SLC38A11: variants seen among roughly 807,000 people sequenced by gnomAD.
SLC38A11 encodes the protein putative sodium-coupled neutral amino acid transporter 11.
Under a neutral mutation model 49.4 loss-of-function variants are expected in SLC38A11, and 51 were observed. That is an observed-to-expected ratio of 1.03 (90% confidence interval 0.83 to 1.30). SLC38A11 has a LOEUF of 1.30. SLC38A11 is among the 50% of genes most tolerant of loss of function. SLC38A11 has a pLI of 0.00. For missense variants in SLC38A11, 574 were observed against 556.2 expected (o/e 1.03, Z -0.32); for synonymous variants, 203 against 192.9 (o/e 1.05, Z -0.43).
At chr2:164,925,457 C>T (rs1686504949) in intron 7 of SLC38A11, among the ~76,000 whole-genome samples, 1 of 151,978 alleles carries the variant, frequency 6.6e-6, no homozygotes, top group African/African-American at 2.4e-5. Flanking sequence ...TTGGATTGTG[C>T]TTCTCTTCAC....
chr2:164,899,461 T>A lies in SLC38A11; in HGVS notation c.1096-731A>T, dbSNP rs1378476309. The stretch of plus-strand genomic sequence containing the variant: ...TCTATTATAAAAATACCAACAGCTA[T>A]TGATGTCAAAGGAAGAGACTTTCCC... On this transcript the variant is annotated intron_variant, in intron 11 of 11. Transcript: ENST00000685975. 2.0e-5 allele frequency among the ~76,000 whole-genome samples: 3 copies of A among 152,112 alleles called. No individual in the cohort carries two copies. In the East Asian group the frequency reaches 5.8e-4, roughly 29 times the overall value.
intron 7 of SLC38A11, among the ~76,000 whole-genome samples, chr2:164,932,288 AG>A (rs990683257): frequency 8.5e-5 from 13 of 152,182 alleles, no homozygotes; most frequent in Non-Finnish European, 1.6e-4. Context: ...GCAGAGAAAA[AG>A]TAACACTTAT....
intron 1 of SLC38A11, 24 bp downstream of exon 1, chr2:164,955,185 A>C: frequency 6.5e-7 from 1 of 1,547,496 alleles, no homozygotes; most frequent in Non-Finnish European, 8.7e-7. Flanking sequence ...CTGGCTTCAG[A>C]ACCTGCCTAG....
At chr2:164,932,882 T>C (rs941471461) in intron 7 of SLC38A11, among the ~76,000 whole-genome samples, 3 of 152,100 alleles carry the variant, frequency 2.0e-5, no homozygotes, top group Admixed American at 6.6e-5. Flanking sequence ...CCCCTGAACT[T>C]AAAAATTCAG....
Position 164,895,980 on chromosome 2 carries a change from G to A in SLC38A11, c.*2457C>T, listed in dbSNP as rs1047236743. Among the ~76,000 whole-genome samples, 2 of 152,150 alleles carry A rather than the reference G, an allele frequency of 1.3e-5. No homozygotes were observed. Among genetic ancestry groups the A allele is most frequent in the Admixed American group, 6.6e-5 (1 of 15,258 alleles). ...CACCACCTTTTTAAAGTTAAGAAGT[G>A]CTTTATACATTTAAGTGTATTGACA... On this transcript the variant is annotated 3_prime_UTR_variant, in exon 12 of 12. Coordinates refer to ENST00000685975, the MANE Select transcript of SLC38A11 (RefSeq NM_001351537.2).
chr2:164,899,661 G>A lies in SLC38A11; in HGVS notation c.1096-931C>T, dbSNP rs190909062. ...TATTCTCTTAAACCATAAAACATAC[G>A]TTTTTAAAAAATAAATTTTATTGTG... On this transcript the variant is annotated intron_variant, in intron 11 of 11. Transcript: ENST00000685975. 6.7e-3 allele frequency among the ~76,000 whole-genome samples: 1,014 copies of A among 151,864 alleles called. 4 individuals carry two copies. The highest frequency in any genetic ancestry group is 0.01 in the Non-Finnish European group (699 of 67,884).
intron 7 of SLC38A11, among the ~76,000 whole-genome samples, chr2:164,918,722 G>T (rs1032109215): frequency 4.0e-4 from 61 of 152,130 alleles, no homozygotes; most frequent in African/African-American, 1.5e-3. Flanking sequence ...TTATGCATAT[G>T]GAAAATAAGA....
intron 11 of SLC38A11, among the ~76,000 whole-genome samples, chr2:164,905,356 T>C (rs1684927102): frequency 6.6e-6 from 1 of 152,128 alleles, no homozygotes; most frequent in Non-Finnish European, 1.5e-5. Context: ...GGTCTTGAAC[T>C]CCTGACCTCA....
rs1684379703 is a variant in SLC38A11, at chr2:164,896,538, A to G, written c.*1899T>C. On this transcript the variant is annotated 3_prime_UTR_variant, in exon 12 of 12. Coordinates refer to ENST00000685975, the MANE Select transcript of SLC38A11 (RefSeq NM_001351537.2). ...AATGTAATGACAGACTGTGGCAAAAATTTCTTACATTTCCTCATTTCTTAC... is the reference window on the plus strand; with the variant it reads ...AATGTAATGACAGACTGTGGCAAAAGTTTCTTACATTTCCTCATTTCTTAC... The G allele has an allele frequency of 6.6e-6, 1 of 152,126 alleles. No individual in the cohort carries two copies. Among genetic ancestry groups the G allele is most frequent in the Non-Finnish European group, 1.5e-5 (1 of 68,016 alleles). 9.4% of individuals were successfully genotyped at this position (152,126 alleles called of 1,614,324 possible).
At chr2:164,946,350 G>C (rs1210834124) in intron 3 of SLC38A11, among the ~76,000 whole-genome samples, 2 of 151,972 alleles carry the variant, frequency 1.3e-5, no homozygotes, top group African/African-American at 4.8e-5. Context: ...GGCAGATCTC[G>C]AGGTCAGGAG....
Position 164,942,205 on chromosome 2 carries a change from T to G in SLC38A11, c.430+2364A>C, listed in dbSNP as rs190005410. ...GGCTCATGTCTATAATCCCAACACT[T>G]TGGGAGGCTGAGGTGGGCAGATCGT... On this transcript the variant is annotated intron_variant, in intron 5 of 11. Transcript: ENST00000685975. Among the ~76,000 whole-genome samples, 5 of 152,032 alleles carry G rather than the reference T, an allele frequency of 3.3e-5. No homozygotes were observed. The East Asian group carries it at 9.7e-4, about 29-fold the overall frequency.
intron 6 of SLC38A11, chr2:164,937,785 A>G (rs976023448): frequency 6.0e-6 from 1 of 166,212 alleles, no homozygotes; most frequent in Non-Finnish European, 1.3e-5. Flanking sequence ...TTCAAGTCTT[A>G]TTTTAGTGTT....
intron 7 of SLC38A11, among the ~76,000 whole-genome samples, chr2:164,929,055 C>T (rs1686798118): frequency 6.6e-6 from 1 of 152,016 alleles, no homozygotes; most frequent in Non-Finnish European, 1.5e-5. Context: ...CACTGTTTTG[C>T]CATGTTACTT....
At chr2:164,932,332 C>T (rs1687062543) in intron 7 of SLC38A11, among the ~76,000 whole-genome samples, 1 of 152,064 alleles carries the variant, frequency 6.6e-6, no homozygotes, top group African/African-American at 2.4e-5. Context: ...TAAGTTCAAC[C>T]ATTGTGGAAG....
intron 5 of SLC38A11, among the ~76,000 whole-genome samples, chr2:164,940,546 T>C (rs956987652): frequency 6.6e-6 from 1 of 151,298 alleles, no homozygotes; most frequent in Non-Finnish European, 1.5e-5. Context: ...CAGTCTTAAA[T>C]AAGTGAATGA....
intron 7 of SLC38A11, among the ~76,000 whole-genome samples, chr2:164,933,976 A>G (rs1284750495): frequency 6.6e-6 from 1 of 152,152 alleles, no homozygotes; most frequent in African/African-American, 2.4e-5. Context: ...AAAGGCTCAG[A>G]TAAAATATTG....
In SLC38A11 at chr2:164,955,233, C is replaced by T. The variant is rs1688771816; in HGVS notation, c.15G>A (p.Arg5=). ...CCTGCGGCGGGATGACAGGCTCCTGCCTCTGGTAGCCCATGGCTGAGCGGT... is the reference window on the plus strand; with the variant it reads ...CCTGCGGCGGGATGACAGGCTCCTGTCTCTGGTAGCCCATGGCTGAGCGGT... MGYQ[R]QEPVIPPQRD... The change falls in exon 1 of 12, where the codon AGG becomes AGA. Residue 5 remains arginine (R), a synonymous_variant. Coordinates refer to ENST00000685975, the MANE Select transcript of SLC38A11 (RefSeq NM_001351537.2). The T allele has an allele frequency of 1.3e-6, 2 of 1,550,578 alleles. No homozygotes were observed. Among genetic ancestry groups the T allele is most frequent in the South Asian group, 1.2e-5 (1 of 84,068 alleles).
chr2:164,925,998 A>G (rs2105478552), intron 7 of SLC38A11, among the ~76,000 whole-genome samples: 1 of 152,210 alleles, frequency 6.6e-6, no homozygotes, highest in Middle Eastern at 3.4e-3. Flanking sequence ...ATCAGTCACT[A>G]AGTTCTCCTG....
rs1684422603 is a variant in SLC38A11, at chr2:164,898,073, C to G, written c.*364G>C. 1.3e-5 allele frequency: 2 copies of G among 152,558 alleles called. No individual in the cohort carries two copies. The highest frequency in any genetic ancestry group is 4.9e-5 in the African/African-American group (2 of 41,052). 9.5% of individuals were successfully genotyped at this position (152,558 alleles called of 1,614,324 possible). On this transcript the variant is annotated 3_prime_UTR_variant, in exon 12 of 12. Coordinates refer to ENST00000685975, the MANE Select transcript of SLC38A11 (RefSeq NM_001351537.2). ...AAAATGCCCACCCCCCACACCCCCC[C>G]ACCAAAAGACATCTACACAAAATTC...
Sources: gnomAD v4.1 joint callset for allele counts (sites outside exome capture counted in the v4.1 genomes callset) on GRCh38, gnomAD v4.1.1 for gene constraint, MANE v1.5 for transcripts, NCBI Gene and HGNC (gene_info 2026-07-23, HGNC 2026-07-21) for gene names.